Variants in PTPN4 observed in about 807,000 individuals in gnomAD.
The protein encoded by PTPN4 is tyrosine-protein phosphatase non-receptor type 4.
A neutral mutation model predicts 135.5 loss-of-function variants in PTPN4; 49 were observed. The observed-to-expected ratio is 0.36, with a 90% CI of 0.29 to 0.46. The LOEUF (loss-of-function observed/expected upper bound fraction) is 0.46. Ranked by LOEUF, PTPN4 falls within the 20% of genes least tolerant of loss-of-function variation. PTPN4 has a pLI of 1.00. For missense variants in PTPN4, 860 were observed against 1,101.0 expected (o/e 0.78, Z 3.10); for synonymous variants, 333 against 369.9 (o/e 0.90, Z 1.14).
intron 1 of PTPN4, among the ~76,000 whole-genome samples, chr2:119,784,740 A>G (rs1184650614): frequency 1.7e-4 from 14 of 80,346 alleles, no homozygotes; most frequent in African/African-American, 6.7e-4. Context: ...GTTTTGCTGT[A>G]TTGCCCAGGG....
intron 9 of PTPN4, among the ~76,000 whole-genome samples, chr2:119,899,295 C>T (rs72838972): frequency 6.6e-6 from 1 of 152,142 alleles, no homozygotes; most frequent in East Asian, 1.9e-4. Flanking sequence ...CAGCTGCTCC[C>T]TACCTGATTA....
At chr2:119,844,741 C>A (rs1473822098) in intron 2 of PTPN4, among the ~76,000 whole-genome samples, 2 of 144,528 alleles carry the variant, frequency 1.4e-5, no homozygotes, top group African/African-American at 5.2e-5. Flanking sequence ...GGATGGCGGC[C>A]GGGCGGAGAC....
intron 2 of PTPN4, among the ~76,000 whole-genome samples, chr2:119,828,854 A>G (rs1287684993): frequency 6.6e-6 from 1 of 152,242 alleles, no homozygotes; most frequent in Admixed American, 6.5e-5. Flanking sequence ...AATAAAAAGT[A>G]TAGGATAGTA....
intron 1 of PTPN4, among the ~76,000 whole-genome samples, chr2:119,785,211 C>T (rs946512882): frequency 2.0e-5 from 3 of 152,126 alleles, no homozygotes; most frequent in African/African-American, 7.2e-5. Flanking sequence ...CAAACTTGCC[C>T]CTGTTTGAGA....
Position 119,978,190 on chromosome 2 carries a change from T to C in PTPN4, c.*1120T>C, listed in dbSNP as rs1679645292. 6.6e-6 allele frequency: 1 copy of C among 152,162 alleles called. No individual in the cohort carries two copies. The highest frequency in any genetic ancestry group is 1.5e-5 in the Non-Finnish European group (1 of 68,022). 9.4% of individuals were successfully genotyped at this position (152,162 alleles called of 1,614,324 possible). ...TTCATATTTATTTCATCCCTAACTT[T>C]AGGAAGACATCTAACATGCAGATTA... On this transcript the variant is annotated 3_prime_UTR_variant, in exon 27 of 27. Transcript: ENST00000263708.
intron 15 of PTPN4, among the ~76,000 whole-genome samples, chr2:119,936,709 CTCAAAACACCTTTAT>C (rs2105041125): frequency 6.6e-6 from 1 of 152,304 alleles, no homozygotes; most frequent in Non-Finnish European, 1.5e-5. Flanking sequence ...CATTTGCCAT[CTCAAAACACCTTTAT>C]TCTACTTTCC....
chr2:119,868,864 A>G, intron 3 of PTPN4, among the ~76,000 whole-genome samples: 1 of 152,036 alleles, frequency 6.6e-6, no homozygotes, highest in Non-Finnish European at 1.5e-5. Context: ...AGGCTGTGAG[A>G]CCCCTGATTT....
intron 15 of PTPN4, among the ~76,000 whole-genome samples, chr2:119,936,966 ATAAC>A: frequency 6.6e-6 from 1 of 152,218 alleles, no homozygotes; most frequent in East Asian, 1.9e-4. Flanking sequence ...CTTAATAATA[ATAAC>A]TTACTTAGTT....
intron 2 of PTPN4, among the ~76,000 whole-genome samples, chr2:119,846,736 A>G (rs1418784243): frequency 1.3e-5 from 2 of 151,616 alleles, no homozygotes; most frequent in East Asian, 3.9e-4. Flanking sequence ...GTAACATTTC[A>G]ATTCCTTTAA....
chr2:119,773,988 A>C (rs915833605), intron 1 of PTPN4, among the ~76,000 whole-genome samples: 2 of 152,228 alleles, frequency 1.3e-5, no homozygotes, highest in African/African-American at 4.8e-5. Flanking sequence ...TATTACTGTA[A>C]TAATGTAATA....
chr2:119,787,899 T>A (rs1399186486), intron 1 of PTPN4, among the ~76,000 whole-genome samples: 3 of 152,188 alleles, frequency 2.0e-5, no homozygotes, highest in Admixed American at 6.6e-5. Flanking sequence ...TAGAAGAAAT[T>A]GCTGGTATTA....
chr2:119,841,637 A>G (rs1299821396), intron 2 of PTPN4, among the ~76,000 whole-genome samples: 1 of 152,142 alleles, frequency 6.6e-6, no homozygotes, highest in Non-Finnish European at 1.5e-5. Context: ...TATCTTAGTC[A>G]CACACTCCCA....
rs754258797 is a variant in PTPN4, at chr2:119,877,299, C to T, written c.247-24C>T. 1.6e-5 allele frequency: 25 copies of T among 1,599,050 alleles called. No homozygotes were observed. In the African/African-American group the frequency reaches 1.8e-4, roughly 11 times the overall value. Reference sequence around the variant, plus strand: ...GTAGTTCCTCAAGGAAAAAAGAAATCAGTTTTATTTATTTATTTTTCAGAG... The same window carrying T: ...GTAGTTCCTCAAGGAAAAAAGAAATTAGTTTTATTTATTTATTTTTCAGAG... On this transcript the variant is annotated intron_variant, in intron 3 of 26. Coordinates refer to ENST00000263708, the MANE Select transcript of PTPN4 (RefSeq NM_002830.4).
intron 3 of PTPN4, 117 bp from the exon 4 acceptor site, chr2:119,877,206 G>T: frequency 1.9e-6 from 2 of 1,073,630 alleles, no homozygotes; most frequent in Admixed American, 2.8e-5. Context: ...TTTCCTACCT[G>T]GGCCTTTTCT....
chr2:119,849,774 G>T (rs1677563946), intron 2 of PTPN4, among the ~76,000 whole-genome samples: 1 of 152,198 alleles, frequency 6.6e-6, no homozygotes, highest in Admixed American at 6.5e-5. Flanking sequence ...GTCACCCTGG[G>T]ATGACAGTGG....
intron 2 of PTPN4, among the ~76,000 whole-genome samples, chr2:119,831,066 A>G (rs978502650): frequency 3.3e-5 from 5 of 152,166 alleles, no homozygotes; most frequent in African/African-American, 9.7e-5. Flanking sequence ...GGGGGGTGGC[A>G]GTAGGGCGTG....
intron 18 of PTPN4, among the ~76,000 whole-genome samples, chr2:119,951,306 CTATT>C (rs1433612908): frequency 6.6e-6 from 1 of 152,212 alleles, no homozygotes; most frequent in African/African-American, 2.4e-5. Context: ...TTCTCTGACT[CTATT>C]TATGGTCCAT....
Position 119,979,223 on chromosome 2 carries a change from G to A in PTPN4, c.*2153G>A, listed in dbSNP as rs1679658956. 1 of 152,158 alleles carries A rather than the reference G, an allele frequency of 6.6e-6. No individual in the cohort carries two copies. The highest frequency in any genetic ancestry group is 2.4e-5 in the African/African-American group (1 of 41,456). 9.4% of individuals were successfully genotyped at this position (152,158 alleles called of 1,614,324 possible). A position where few individuals can be genotyped will look rare whatever the true frequency, so the allele number is the denominator to read the frequency against. On this transcript the variant is annotated 3_prime_UTR_variant, in exon 27 of 27. Transcript: ENST00000263708. ...AAAATAAAATTTGTCTGTTCTATCT[G>A]TATGGACAGAATATGACAACCATAG...
At chr2:119,802,103 C>T (rs781125580) in intron 1 of PTPN4, among the ~76,000 whole-genome samples, 11 of 152,070 alleles carry the variant, frequency 7.2e-5, no homozygotes, top group Non-Finnish European at 1.3e-4. Context: ...CGGGGTTTCA[C>T]CCTGTTAGCC....
Sources: allele counts gnomAD v4.1 joint callset (sites outside exome capture counted in the v4.1 genomes callset), GRCh38; gene constraint gnomAD v4.1.1; transcripts MANE v1.5; gene names NCBI Gene and HGNC (gene_info 2026-07-23, HGNC 2026-07-21).